SPATA13: variants seen among roughly 807,000 people sequenced by gnomAD.
SPATA13 encodes the protein spermatogenesis associated 13.
In SPATA13, 50 loss-of-function variants were observed where a neutral mutation model predicts 104.0. The observed-to-expected ratio is 0.48, with a 90% CI of 0.38 to 0.61. SPATA13 has a LOEUF of 0.61. Among genes scored for constraint, SPATA13 ranks in the 20% least tolerant of loss-of-function variants. The probability of loss-of-function intolerance (pLI) is 0.00; values close to 1 mark genes in which losing one functional copy is unlikely to be tolerated. For missense variants in SPATA13, 1,524 were observed against 1,690.6 expected (o/e 0.90, Z 1.73); for synonymous variants, 606 against 667.5 (o/e 0.91, Z 1.42).
chr13:24,269,835 C>T (rs1447883494), intron 4 of SPATA13, among the ~76,000 whole-genome samples: 1 of 150,492 alleles, frequency 6.6e-6, no homozygotes, highest in African/African-American at 2.5e-5. Context: ...TTGATCCTCC[C>T]ACCTTGGCCT....
At chr13:23,980,236 G>A (rs1874815900) in intron 1 of SPATA13, among the ~76,000 whole-genome samples, 1 of 152,200 alleles carries the variant, frequency 6.6e-6, no homozygotes, top group Non-Finnish European at 1.5e-5. Flanking sequence ...GGCTCAAGGG[G>A]TGAGCGCATA....
intron 1 of SPATA13, among the ~76,000 whole-genome samples, chr13:24,199,120 C>A (rs1427041370): frequency 2.6e-5 from 4 of 152,036 alleles, no homozygotes; most frequent in Admixed American, 2.0e-4. Context: ...AACTCCTGAG[C>A]TCAAGCGATC....
intron 3 of SPATA13, among the ~76,000 whole-genome samples, chr13:24,146,029 G>A (rs551576408): frequency 1.3e-5 from 2 of 152,338 alleles, no homozygotes; most frequent in Non-Finnish European, 2.9e-5. Context: ...GACTGAACAG[G>A]TAGCACAAGG....
At chr13:24,277,392 C>G (rs937681799) in intron 4 of SPATA13, among the ~76,000 whole-genome samples, 7 of 143,998 alleles carry the variant, frequency 4.9e-5, no homozygotes, top group African/African-American at 1.0e-4. Flanking sequence ...TGCAGTGACC[C>G]GAGATCGCGC....
rs369737629 is a variant in SPATA13 at position 24,011,699 on chromosome 13, CA to C, written c.-146-5967del. The stretch of plus-strand genomic sequence containing the variant: ...CCAGGCTCTAACTCTACTAGTTAAG[CA>C]GGAGCCTGGGAGTCTCCAACATCCT... On this transcript the variant is annotated intron_variant, in intron 2 of 14. Transcript: ENST00000424834. The surrounding 1 kb of genome is among the most constrained non-coding windows in gnomAD (Gnocchi z 4.3). Among the ~76,000 whole-genome samples the C allele has an allele frequency of 4.1e-4, 62 of 152,352 alleles. No individual in the cohort carries two copies. The highest frequency in any genetic ancestry group is 1.4e-3 in the African/African-American group (59 of 41,584).
At chr13:24,073,181 G>T (rs566636442) in intron 3 of SPATA13, among the ~76,000 whole-genome samples, 3 of 152,254 alleles carry the variant, frequency 2.0e-5, no homozygotes, top group East Asian at 1.9e-4. Context: ...AAGGCCAAGT[G>T]GGGGACTGTA....
At chr13:24,014,906 TTTGA>T (rs1215104477) in intron 2 of SPATA13, among the ~76,000 whole-genome samples, 1 of 74,730 alleles carries the variant, frequency 1.3e-5, no homozygotes, top group Non-Finnish European at 2.6e-5. Context: ...TTTTTTTTTT[TTTGA>T]GACAGAGTCT....
At chr13:23,984,080 G>A (rs760129678) in intron 2 of SPATA13, 21 of 346,006 alleles carry the variant, frequency 6.1e-5, no homozygotes, top group Admixed American at 1.3e-4. Context: ...TAACAAGGGT[G>A]TAATTGGAAC....
rs141837297 is a variant in SPATA13, at chr13:24,295,464, C to T, written c.3210+596C>T. 8.5e-5 allele frequency among the ~76,000 whole-genome samples: 13 copies of T among 152,116 alleles called. No individual in the cohort carries two copies. The East Asian group carries it at 2.3e-3, about 27-fold the overall frequency. ...CATCTCTACAAAAAGTAAAAAAAAT[C>T]AGCCAGGCATGGTGGCATACACATG... On this transcript the variant is annotated intron_variant, in intron 10 of 12. Coordinates refer to ENST00000382108, the MANE Select transcript of SPATA13 (RefSeq NM_001166271.3).
chr13:24,274,560 C>T (rs1268338709), intron 4 of SPATA13, among the ~76,000 whole-genome samples: 2 of 152,232 alleles, frequency 1.3e-5, no homozygotes, highest in Non-Finnish European at 2.9e-5. Context: ...TCTCCGTGGC[C>T]TGAGCTCTTG....
chr13:24,277,173 G>T (rs926134872), intron 4 of SPATA13, among the ~76,000 whole-genome samples: 3 of 151,964 alleles, frequency 2.0e-5, no homozygotes, highest in Admixed American at 6.6e-5. Flanking sequence ...GGCCGGGCGC[G>T]GTGGCTTACG....
At chr13:24,172,096 C>A (rs547746257) in intron 1 of SPATA13, among the ~76,000 whole-genome samples, 78 of 152,314 alleles carry the variant, frequency 5.1e-4, no homozygotes, top group African/African-American at 1.8e-3. Context: ...CTTGTCCATG[C>A]ACACTCACTA....
At chr13:24,123,528 G>A in intron 3 of SPATA13, 1 of 1,611,398 alleles carries the variant, frequency 6.2e-7, no homozygotes, top group South Asian at 1.1e-5. Context: ...TCGAGGGTCA[G>A]CATTTGGTTC....
At chr13:24,052,129 TTCCAAATGG>T (rs1345741635) in intron 3 of SPATA13, among the ~76,000 whole-genome samples, 1 of 152,178 alleles carries the variant, frequency 6.6e-6, no homozygotes, top group African/African-American at 2.4e-5. Flanking sequence ...CTTAACGCAA[TTCCAAATGG>T]AAGAAAGGGA....
intron 1 of SPATA13, among the ~76,000 whole-genome samples, chr13:24,217,900 C>T (rs931925713): frequency 1.3e-5 from 2 of 152,206 alleles, no homozygotes; most frequent in African/African-American, 2.4e-5. Context: ...CCTCCCACCA[C>T]CACTGCCCAC....
At chr13:24,270,809 G>A (rs968890617) in intron 4 of SPATA13, 27 of 1,612,170 alleles carry the variant, frequency 1.7e-5, no homozygotes, top group Non-Finnish European at 2.3e-5. Flanking sequence ...CCGGCTCCTC[G>A]GTCACACCCC....
intron 4 of SPATA13, among the ~76,000 whole-genome samples, chr13:24,257,998 G>T (rs564726579): frequency 1.3e-5 from 2 of 152,222 alleles, no homozygotes; most frequent in South Asian, 4.1e-4. Flanking sequence ...TTCTGGGCAG[G>T]TGTGGTGGAT....
intron 3 of SPATA13, among the ~76,000 whole-genome samples, chr13:24,039,340 A>G (rs1299316261): frequency 6.6e-6 from 1 of 152,238 alleles, no homozygotes; most frequent in African/African-American, 2.4e-5. Context: ...CTTTCGTGGC[A>G]GGAAGAAAGC....
chr13:24,089,428 A>G (rs748430889), intron 3 of SPATA13, among the ~76,000 whole-genome samples: 17 of 152,150 alleles, frequency 1.1e-4, no homozygotes, highest in Non-Finnish European at 2.5e-4. Flanking sequence ...GGGGCACAAG[A>G]TTGGTCTATT....
Sources: allele counts gnomAD v4.1 joint callset (sites outside exome capture counted in the v4.1 genomes callset), GRCh38; gene constraint gnomAD v4.1.1; non-coding constraint Gnocchi (gnomAD v3.1); transcripts MANE v1.5; gene names NCBI Gene and HGNC (gene_info 2026-07-23, HGNC 2026-07-21).